Variants in TBC1D5 observed in about 807,000 individuals in gnomAD.
TBC1D5 encodes TBC1 domain family member 5, also known as TBC1 domain family, member 5.
Under a neutral mutation model 100.3 loss-of-function variants are expected in TBC1D5, and 75 were observed. That is an observed-to-expected ratio of 0.75 (90% CI 0.62 to 0.91). TBC1D5 has a LOEUF of 0.91. Among genes scored for constraint, TBC1D5 ranks in the 40% least tolerant of loss-of-function variants. The pLI is 0.00. For missense variants in TBC1D5, 910 were observed against 942.4 expected (o/e 0.97, Z 0.45); for synonymous variants, 323 against 325.6 (o/e 0.99, Z 0.09).
chr3:17,669,086 T>C (rs1454750209), intron 1 of TBC1D5, among the ~76,000 whole-genome samples: 2 of 152,208 alleles, frequency 1.3e-5, no homozygotes, highest in Admixed American at 1.3e-4. Context: ...GGAGGTAATT[T>C]AATCATGGGG....
intron 9 of TBC1D5, among the ~76,000 whole-genome samples, chr3:17,380,039 CTGTGTATGTGTGTGTGTGTGTG>C (rs1455568304): frequency 1.4e-3 from 143 of 100,134 alleles, no homozygotes; most frequent in Middle Eastern, 5.7e-3. Context: ...ACAGCTGTGA[CTGTGTATGTGTGTGTGTGTGTG>C]TGTGTGTGTG....
intron 2 of TBC1D5, among the ~76,000 whole-genome samples, chr3:17,581,355 C>CCA (rs756749765): frequency 1.2e-4 from 18 of 152,146 alleles, no homozygotes; most frequent in Admixed American, 4.6e-4. Flanking sequence ...TTAACAACTT[C>CCA]CACAGTTTTT....
intron 1 of TBC1D5, among the ~76,000 whole-genome samples, chr3:17,708,360 T>C (rs181753946): frequency 1.3e-5 from 2 of 152,320 alleles, no homozygotes; most frequent in Non-Finnish European, 2.9e-5. Flanking sequence ...TATTTATCCA[T>C]TCCCCTGCTG....
In TBC1D5 at chr3:17,336,809, A is replaced by G. The variant is rs540736457; in HGVS notation, c.996-28675T>C. The stretch of plus-strand genomic sequence containing the variant: ...AGCGTCGATGATATTAGGTGAATAA[A>G]TAGTACTGTCTTCCACATTTGACTT... On this transcript the variant is annotated intron_variant, in intron 13 of 21. Coordinates refer to ENST00000253692, the Ensembl canonical transcript of TBC1D5. Among the ~76,000 whole-genome samples, 20 of 152,286 alleles carry G rather than the reference A, an allele frequency of 1.3e-4. No homozygotes were observed. In the South Asian group the frequency reaches 3.9e-3, roughly 30 times the overall value.
At chr3:17,655,396 T>G (rs1238369308) in intron 1 of TBC1D5, among the ~76,000 whole-genome samples, 7 of 151,862 alleles carry the variant, frequency 4.6e-5, no homozygotes, top group Admixed American at 2.0e-4. Context: ...GCATGGCACA[T>G]GTATACATAT....
chr3:17,307,979 C>A lies in TBC1D5; in HGVS notation c.1138+13G>T. 1 of 1,598,216 alleles carries A rather than the reference C, an allele frequency of 6.3e-7. No homozygotes were observed. Among genetic ancestry groups the A allele is most frequent in the South Asian group, 1.1e-5 (1 of 87,830 alleles). ...GTACCTAGTCAAATGTAGGAAAGGT[C>A]ATTAATACTTACAAGCATCTCGGAT... is the stretch of plus-strand genomic sequence containing the variant. On this transcript the variant is annotated intron_variant, in intron 14 of 21. Coordinates refer to ENST00000253692, the Ensembl canonical transcript of TBC1D5.
chr3:17,198,017 A>G (rs532449665), intron 18 of TBC1D5, among the ~76,000 whole-genome samples: 12 of 152,304 alleles, frequency 7.9e-5, no homozygotes, highest in African/African-American at 2.9e-4. Context: ...AGCCTGGGTG[A>G]CAGCATGAGT....
intron 14 of TBC1D5, among the ~76,000 whole-genome samples, chr3:17,294,742 A>AT (rs556389033): frequency 9.2e-5 from 14 of 152,342 alleles, no homozygotes; most frequent in Non-Finnish European, 7.4e-5. Flanking sequence ...ATAACAGCAA[A>AT]TAAGTTCACT....
chr3:17,496,424 G>C (rs964865360), intron 3 of TBC1D5, among the ~76,000 whole-genome samples: 2 of 151,640 alleles, frequency 1.3e-5, no homozygotes, highest in Non-Finnish European at 2.9e-5. Context: ...AATAAAGCTC[G>C]TACATGTACA....
chr3:17,334,616 C>G (rs1397313075), intron 13 of TBC1D5, among the ~76,000 whole-genome samples: 1 of 152,122 alleles, frequency 6.6e-6, no homozygotes, highest in Non-Finnish European at 1.5e-5. Flanking sequence ...CTTAATGATG[C>G]CTTCAAAGAA....
rs553547740 is a variant in TBC1D5, at chr3:17,662,092, G to T, written c.-100-38179C>A. ...TTTTGTAGAGACAGGGTCTCGCTACGTTGCCCAGGTTGGTGGTCTCTAACT... is the reference window on the plus strand; with the variant it reads ...TTTTGTAGAGACAGGGTCTCGCTACTTTGCCCAGGTTGGTGGTCTCTAACT... On this transcript the variant is annotated intron_variant, in intron 1 of 21. Transcript: ENST00000253692. Among the ~76,000 whole-genome samples the T allele has an allele frequency of 2.0e-5, 3 of 152,090 alleles. No homozygotes were observed. The East Asian group carries it at 5.8e-4, about 29-fold the overall frequency.
intron 2 of TBC1D5, among the ~76,000 whole-genome samples, chr3:17,526,500 T>C (rs936873536): frequency 6.6e-6 from 1 of 152,190 alleles, no homozygotes; most frequent in Non-Finnish European, 1.5e-5. Flanking sequence ...CAGAATCTAC[T>C]ACTATTGACA....
intron 16 of TBC1D5, among the ~76,000 whole-genome samples, chr3:17,250,014 G>A (rs2077055038): frequency 6.6e-6 from 1 of 152,150 alleles, no homozygotes; most frequent in African/African-American, 2.4e-5. Context: ...ACATGCTATT[G>A]AAAAAACAGT....
chr3:17,167,747 A>T lies in TBC1D5; in HGVS notation c.1932+2T>A. 1 of 1,613,842 alleles carries T rather than the reference A, an allele frequency of 6.2e-7. No homozygotes were observed. The highest frequency in any genetic ancestry group is 8.5e-7 in the Non-Finnish European group (1 of 1,179,760). ...GAAATAGTGTCAGAGCAATGCACAT[A>T]CCTGTTTTAATCCTGCCAGGGAAAC... is the stretch of plus-strand genomic sequence containing the variant. On this transcript the variant is annotated splice_donor_variant, in intron 20 of 21. Coordinates refer to ENST00000253692, the Ensembl canonical transcript of TBC1D5. LOFTEE classifies it high-confidence loss of function.
intron 2 of TBC1D5, among the ~76,000 whole-genome samples, chr3:17,562,676 A>AT (rs944584536): frequency 1.3e-5 from 2 of 152,238 alleles, no homozygotes; most frequent in Admixed American, 1.3e-4. Context: ...GTCTTGGTGC[A>AT]TTGTGAAAAC....
intron 2 of TBC1D5, among the ~76,000 whole-genome samples, chr3:17,576,220 T>C (rs1053793927): frequency 6.6e-6 from 1 of 151,958 alleles, no homozygotes; most frequent in Non-Finnish European, 1.5e-5. Flanking sequence ...CTACAAGAAA[T>C]ACACCTCAAT....
In TBC1D5 at chr3:17,361,445, T is replaced by C. The variant is rs1156809140; in HGVS notation, c.995+10630A>G. Among the ~76,000 whole-genome samples the C allele has an allele frequency of 2.0e-5, 3 of 152,102 alleles. No homozygotes were observed. In the East Asian group the frequency reaches 5.8e-4, roughly 29 times the overall value. On this transcript the variant is annotated intron_variant, in intron 13 of 21. Transcript: ENST00000253692. ...ATTTGACCTGACATTTATAGAACAT[T>C]CCATTCAACAATAGTAGAATAAACA...
chr3:17,522,843 A>G (rs2096077533), intron 2 of TBC1D5, among the ~76,000 whole-genome samples: 1 of 152,208 alleles, frequency 6.6e-6, no homozygotes, highest in African/African-American at 2.4e-5. Flanking sequence ...CCTAATTTAC[A>G]TGAAATCATT....
chr3:17,602,562 T>TG (rs2061035554), intron 2 of TBC1D5, among the ~76,000 whole-genome samples: 2 of 54,520 alleles, frequency 3.7e-5, no homozygotes, highest in African/African-American at 1.9e-4. Context: ...GAGAATCAGA[T>TG]TTTTTTTTTT....
Sources: allele counts gnomAD v4.1 joint callset (sites outside exome capture counted in the v4.1 genomes callset), GRCh38; gene constraint gnomAD v4.1.1; transcripts MANE v1.5; gene names NCBI Gene and HGNC (gene_info 2026-07-23, HGNC 2026-07-21).